The following NOL4 variants were observed in gnomAD, a reference collection of about 807,000 sequenced individuals.
NOL4 encodes the protein nucleolar protein 4.
A neutral mutation model predicts 75.9 loss-of-function variants in NOL4; 17 were observed. That is an observed-to-expected ratio of 0.22 (90% confidence interval 0.15 to 0.34). The LOEUF is 0.34. NOL4 is among the 10% of genes least tolerant of loss of function. NOL4 has a pLI of 1.00. For missense variants in NOL4, 614 were observed against 793.5 expected (o/e 0.77, Z 2.72); for synonymous variants, 292 against 289.9 (o/e 1.01, Z -0.07).
chr18:33,986,511 C>T (rs2146049086), intron 6 of NOL4, among the ~76,000 whole-genome samples: 1 of 152,212 alleles, frequency 6.6e-6, no homozygotes, highest in Non-Finnish European at 1.5e-5. Context: ...TTTCACCACA[C>T]TACTGAGGAC....
At chr18:33,861,242 T>C (rs930426544) in intron 10 of NOL4, among the ~76,000 whole-genome samples, 4 of 152,108 alleles carry the variant, frequency 2.6e-5, no homozygotes, top group Non-Finnish European at 5.9e-5. Flanking sequence ...TGGTAGAATT[T>C]GGCTGTGAAT....
chr18:34,043,685 C>T (rs2076237729), intron 5 of NOL4, among the ~76,000 whole-genome samples: 1 of 151,988 alleles, frequency 6.6e-6, no homozygotes, highest in South Asian at 2.1e-4. Flanking sequence ...ATGTGTCTTA[C>T]AGTGTTGTGA....
At chr18:33,869,435 C>A (rs1408334450) in intron 10 of NOL4, among the ~76,000 whole-genome samples, 1 of 151,866 alleles carries the variant, frequency 6.6e-6, no homozygotes, top group Non-Finnish European at 1.5e-5. Context: ...ATCCTGCTAC[C>A]TCTAGAGTAT....
intron 5 of NOL4, among the ~76,000 whole-genome samples, chr18:34,034,821 C>A (rs1351848067): frequency 2.0e-5 from 3 of 150,234 alleles, no homozygotes; most frequent in African/African-American, 7.4e-5. Flanking sequence ...AAATGTACTT[C>A]AAGTCAAAAA....
At position 33,851,140 on chromosome 18, in the gene NOL4, CAG is replaced by C. The variant is rs1292394871; in HGVS notation, c.*1700_*1701del. Reference sequence around the variant, plus strand: ...AATCTGTTTATTAAACCAAACAAAACAGAGAAAATTATACCAGCCCTCAATTT... The same window carrying C: ...AATCTGTTTATTAAACCAAACAAAACAGAAAATTATACCAGCCCTCAATTT... On this transcript the variant is annotated 3_prime_UTR_variant, in exon 11 of 11. Transcript: ENST00000261592. 6.6e-6 allele frequency: 1 copy of C among 152,400 alleles called. No homozygotes were observed. Among genetic ancestry groups the C allele is most frequent in the Non-Finnish European group, 1.5e-5 (1 of 67,954 alleles). 9.4% of individuals were successfully genotyped at this position (152,400 alleles called of 1,614,324 possible). A position where few individuals can be genotyped will look rare whatever the true frequency, so the allele number is the denominator to read the frequency against.
intron 5 of NOL4, among the ~76,000 whole-genome samples, chr18:34,024,197 ATATAT>A (rs2075227531): frequency 9.9e-6 from 1 of 100,800 alleles, no homozygotes; most frequent in African/African-American, 3.7e-5. Context: ...AAAAAAAAAT[ATATAT>A]ATATATATAT....
At chr18:34,184,625 G>C (rs1378102530) in intron 1 of NOL4, among the ~76,000 whole-genome samples, 2 of 152,052 alleles carry the variant, frequency 1.3e-5, no homozygotes, top group African/African-American at 4.8e-5. Flanking sequence ...TGAACAGCAA[G>C]AATTCTGAGA....
At chr18:34,141,168 T>C (rs2081138548) in intron 1 of NOL4, among the ~76,000 whole-genome samples, 1 of 152,106 alleles carries the variant, frequency 6.6e-6, no homozygotes, top group Admixed American at 6.6e-5. Flanking sequence ...AAACCACTGC[T>C]TAACGAAATA....
chr18:33,900,917 T>C (rs970182100), intron 9 of NOL4, among the ~76,000 whole-genome samples: 1 of 152,170 alleles, frequency 6.6e-6, no homozygotes, highest in Non-Finnish European at 1.5e-5. Flanking sequence ...TGTTTAGATG[T>C]GTTTATGTGT....
chr18:34,009,761 C>T (rs910083917), intron 6 of NOL4, among the ~76,000 whole-genome samples: 7 of 151,804 alleles, frequency 4.6e-5, no homozygotes, highest in African/African-American at 1.2e-4. Flanking sequence ...ACACCATGAT[C>T]GTTTAACATT....
At chr18:33,911,785 G>C (rs1198190140) in intron 9 of NOL4, among the ~76,000 whole-genome samples, 1 of 152,032 alleles carries the variant, frequency 6.6e-6, no homozygotes, top group Non-Finnish European at 1.5e-5. Flanking sequence ...CTCCATACTT[G>C]TGGCTAAAAA....
chr18:33,984,128 G>T (rs2072234733), intron 6 of NOL4, among the ~76,000 whole-genome samples: 1 of 151,960 alleles, frequency 6.6e-6, no homozygotes, highest in African/African-American at 2.4e-5. Flanking sequence ...CTTGATTAGG[G>T]CAATATCTAG....
chr18:33,899,626 C>T (rs138233970), intron 9 of NOL4, among the ~76,000 whole-genome samples: 195 of 152,244 alleles, frequency 1.3e-3, no homozygotes, highest in Non-Finnish European at 2.2e-3. Context: ...ACTGCTGAAA[C>T]AAGGTATTGA....
intron 5 of NOL4, among the ~76,000 whole-genome samples, chr18:34,091,183 C>G (rs1231732659): frequency 7.8e-6 from 1 of 128,016 alleles, no homozygotes; most frequent in Non-Finnish European, 1.7e-5. Context: ...AACCCCATCT[C>G]TACTAAAAAT....
At chr18:34,041,914 G>A (rs1382636819) in intron 5 of NOL4, among the ~76,000 whole-genome samples, 3 of 151,810 alleles carry the variant, frequency 2.0e-5, no homozygotes, top group African/African-American at 7.3e-5. Flanking sequence ...TTTACTAAAA[G>A]GTATGGGATA....
intron 1 of NOL4, among the ~76,000 whole-genome samples, chr18:34,215,855 GC>G (rs757220125): frequency 8.5e-5 from 13 of 152,054 alleles, no homozygotes; most frequent in African/African-American, 1.4e-4. Flanking sequence ...GCAAGCCTTA[GC>G]AAAAAGATAG....
chr18:34,169,435 GA>G (rs946898407), intron 1 of NOL4, among the ~76,000 whole-genome samples: 1 of 132,028 alleles, frequency 7.6e-6, no homozygotes, highest in Admixed American at 7.6e-5. Context: ...AAAAGAAGGT[GA>G]AAAAAACAAA....
intron 9 of NOL4, among the ~76,000 whole-genome samples, chr18:33,884,385 C>T (rs2064506203): frequency 6.6e-6 from 1 of 151,982 alleles, no homozygotes; most frequent in South Asian, 2.1e-4. Context: ...ACATCCAAAC[C>T]TTTCAGTTTT....
intron 9 of NOL4, among the ~76,000 whole-genome samples, chr18:33,924,449 G>T (rs1462259119): frequency 6.6e-6 from 1 of 151,992 alleles, no homozygotes; most frequent in Non-Finnish European, 1.5e-5. Context: ...CTCTCTATTG[G>T]GCCATCTATT....
Sources: allele counts gnomAD v4.1 joint callset (sites outside exome capture counted in the v4.1 genomes callset), GRCh38; gene constraint gnomAD v4.1.1; transcripts MANE v1.5; gene names NCBI Gene and HGNC (gene_info 2026-07-23, HGNC 2026-07-21).